Variants in PHF10 observed in about 807,000 individuals in gnomAD.
The protein encoded by PHF10 is BRG1-associated factor 45a.
A neutral mutation model predicts 68.5 loss-of-function variants in PHF10; 51 were observed. That is an observed-to-expected ratio of 0.74 (90% CI 0.59 to 0.94). The LOEUF is 0.94. Ranked by LOEUF, PHF10 falls within the 40% of genes least tolerant of loss-of-function variation. The pLI, the probability that PHF10 is intolerant of heterozygous loss-of-function variation, is 0.00. For missense variants in PHF10, 460 were observed against 602.6 expected (o/e 0.76, Z 2.48); for synonymous variants, 204 against 203.5 (o/e 1.00, Z -0.02).
intron 11 of PHF10, chr6:169,704,307 A>C: frequency 2.0e-6 from 1 of 501,884 alleles, no homozygotes; most frequent in Non-Finnish European, 3.5e-6. Context: ...GGGGGATGGG[A>C]GAGATGCAAT....
At chr6:169,705,782 A>G (rs1788763834) in intron 9 of PHF10, 58 bp from the exon 10 acceptor site, 3 of 878,114 alleles carry the variant, frequency 3.4e-6, no homozygotes, top group Non-Finnish European at 5.8e-6. Flanking sequence ...ATGGGTTTAA[A>G]AGGAATTCTG....
intron 4 of PHF10, 58 bp downstream of exon 4, chr6:169,717,765 C>T: frequency 1.4e-6 from 1 of 697,860 alleles, no homozygotes; most frequent in Non-Finnish European, 2.5e-6. Context: ...AGATACTTAT[C>T]TAGTATTATC....
intron 1 of PHF10, among the ~76,000 whole-genome samples, chr6:169,721,543 G>A (rs1490953137): frequency 3.3e-5 from 5 of 152,130 alleles, no homozygotes; most frequent in African/African-American, 4.8e-5. Flanking sequence ...ATATGAGACC[G>A]AAAACAATTC....
intron 4 of PHF10, among the ~76,000 whole-genome samples, chr6:169,717,581 A>G (rs898704799): frequency 2.6e-5 from 4 of 152,224 alleles, no homozygotes; most frequent in Admixed American, 2.0e-4. Context: ...TTTCTACTGA[A>G]TATGCATTGC....
Position 169,718,775 on chromosome 6 carries a change from TA to T in PHF10, c.325+12del. 1 of 1,445,324 alleles carries T rather than the reference TA, an allele frequency of 6.9e-7. No homozygotes were observed. Among genetic ancestry groups the T allele is most frequent in the Non-Finnish European group, 9.6e-7 (1 of 1,037,842 alleles). 89.5% of individuals were successfully genotyped at this position (1,445,324 alleles called of 1,614,324 possible). ...CTATCAATTATAAATTAATCTATTA[TA>T]TAAACTAGTACCTGGATATTTCCTT... On this transcript the variant is annotated intron_variant, in intron 3 of 11. Transcript: ENST00000339209.
intron 10 of PHF10, 67 bp downstream of exon 10, chr6:169,705,549 A>G: frequency 1.1e-6 from 1 of 932,992 alleles, no homozygotes; most frequent in Admixed American, 1.7e-5. Flanking sequence ...GCCTGAAACT[A>G]TAAATTCTAG....
At chr6:169,709,182 T>G (rs942929809) in intron 9 of PHF10, 3 of 151,888 alleles carry the variant, frequency 2.0e-5, no homozygotes, top group Admixed American at 6.6e-5. Context: ...TAAATGAACA[T>G]GTTAGAACGT....
intron 4 of PHF10, among the ~76,000 whole-genome samples, chr6:169,717,325 T>C (rs1325222689): frequency 6.6e-6 from 1 of 152,238 alleles, no homozygotes; most frequent in Admixed American, 6.5e-5. Context: ...TGGGGTTACA[T>C]ATGATAAACC....
Position 169,704,831 on chromosome 6 carries a change from G to C in PHF10, c.1411+302C>G, listed in dbSNP as rs867743214. 7.2e-5 allele frequency: 18 copies of C among 250,428 alleles called. 1 individual carries two copies. In the Middle Eastern group the frequency reaches 5.4e-3, roughly 75 times the overall value. The allele number at this position is 250,428 out of a possible 1,614,324, so 15.5% of individuals were successfully genotyped here. On this transcript the variant is annotated intron_variant, in intron 11 of 11. Transcript: ENST00000339209. ...GCAGTCATTTTGTTGTTTCTAAATA[G>C]ATAACATATAAAAATAAAGGCTTTG...
intron 9 of PHF10, among the ~76,000 whole-genome samples, chr6:169,706,460 T>C (rs551445835): frequency 2.4e-4 from 36 of 152,266 alleles, no homozygotes; most frequent in African/African-American, 8.7e-4. Flanking sequence ...CTCTGAGTAC[T>C]ACTGATCTTT....
At chr6:169,704,148 C>G (rs1788686752) in intron 11 of PHF10, 60 bp from the exon 12 acceptor site, 1 of 1,257,264 alleles carries the variant, frequency 8.0e-7, no homozygotes, top group Admixed American at 2.8e-5. Flanking sequence ...GAATTTTAAG[C>G]CCATCTAAAC....
chr6:169,714,936 T>A, intron 6 of PHF10, 94 bp from the exon 7 acceptor site: 1 of 724,446 alleles, frequency 1.4e-6, no homozygotes, highest in East Asian at 2.5e-5. Flanking sequence ...GCACGCCCAC[T>A]TCCCCCTCGA....
Position 169,724,444 on chromosome 6 carries a change from C to T in PHF10, c.-513G>A, listed in dbSNP as rs1350303424. Among the ~76,000 whole-genome samples, 2 of 144,814 alleles carry T rather than the reference C, an allele frequency of 1.4e-5. No individual in the cohort carries two copies. The highest frequency in any genetic ancestry group is 3.1e-5 in the Non-Finnish European group (2 of 65,484). The stretch of plus-strand genomic sequence containing the variant: ...CCTCAGCCCCGCCGCTCCCCTCAGC[C>T]CCGCGGCCGCCTCAGCCCCGCCGCC... On this transcript the variant is annotated 5_prime_UTR_variant, in exon 1 of 12. Transcript: ENST00000339209.
intron 11 of PHF10, 119 bp downstream of exon 11, chr6:169,705,014 A>G (rs41265395): frequency 0.018 from 11,405 of 637,468 alleles, 158 homozygotes; most frequent in Middle Eastern, 0.042. Flanking sequence ...AGCTTTGGTC[A>G]TATTTGCACA....
intron 4 of PHF10, among the ~76,000 whole-genome samples, chr6:169,717,411 A>G (rs1484163322): frequency 1.3e-5 from 2 of 152,246 alleles, no homozygotes. Context: ...TGCTTACCCT[A>G]GCCTAACTTA....
chr6:169,704,070 C>G lies in PHF10; in HGVS notation c.1430G>C (p.Cys477Ser), dbSNP rs1788681967. 1.3e-6 allele frequency: 2 copies of G among 1,582,688 alleles called. No homozygotes were observed. The highest frequency in any genetic ancestry group is 8.5e-7 in the Non-Finnish European group (1 of 1,171,728). The change falls in exon 12 of 12, where the codon TGT becomes TCT. Residue 477 changes from cysteine to serine, a missense_variant. This residue lies in a region of PHF10 where 111 missense variants were observed against 109.7 expected (regional missense o/e 1.01). Transcript: ENST00000339209. ...GGGTGTTGGGGGGGCCCGCTGACAACAGTCACAAATCCAGCGACCTAGGAA... is the reference window on the plus strand; with the variant it reads ...GGGTGTTGGGGGGGCCCGCTGACAAGAGTCACAAATCCAGCGACCTAGGAA... ...AIPSGRWICD[C>S]CQRAPPTPRK...
At chr6:169,717,946 A>C in intron 3 of PHF10, 40 bp from the exon 4 acceptor site, 1 of 910,520 alleles carries the variant, frequency 1.1e-6, no homozygotes, top group Non-Finnish European at 1.7e-6. Flanking sequence ...AAACAGCAAA[A>C]CCTTATGCAC....
At chr6:169,721,197 C>A (rs1017344715) in intron 1 of PHF10, 86 bp from the exon 2 acceptor site, 4 of 742,566 alleles carry the variant, frequency 5.4e-6, no homozygotes, top group Non-Finnish European at 8.9e-6. Flanking sequence ...TGTCTAAGGA[C>A]AACTAGTCAT....
Position 169,718,852 on chromosome 6 carries a change from G to A in PHF10, c.261C>T (p.Tyr87=). 6.3e-7 allele frequency: 1 copy of A among 1,596,096 alleles called. No individual in the cohort carries two copies. Among genetic ancestry groups the A allele is most frequent in the Non-Finnish European group, 8.6e-7 (1 of 1,165,022 alleles). Residue 87 remains tyrosine, a synonymous_variant, in exon 3 of 12, where the codon TAC becomes TAT. Coordinates refer to ENST00000339209, the MANE Select transcript of PHF10 (RefSeq NM_018288.4). ...CACTGACTTGTTCTTGAAGCATATA[G>A]TATTCTCCTGTTTCATCAGGTGGCC... ...YKWPPDETGE[Y]YMLQEQVSEY... is the part of the protein sequence containing the mutation.
Sources: gnomAD v4.1 joint callset for allele counts (sites outside exome capture counted in the v4.1 genomes callset) on GRCh38, gnomAD v4.1.1 for gene constraint, gnomAD v4.1.1 regional missense constraint, MANE v1.5 for transcripts, NCBI Gene and HGNC (gene_info 2026-07-23, HGNC 2026-07-21) for gene names.